Variants in MACROD2 observed in about 807,000 individuals in gnomAD.
MACROD2 encodes ADP-ribose glycohydrolase MACROD2.
MACROD2 carries 36 observed loss-of-function variants against 70.4 expected under a neutral mutation model. That is an observed-to-expected ratio of 0.51 (90% CI 0.39 to 0.68). MACROD2 has a LOEUF of 0.68. MACROD2 is among the 30% of genes least tolerant of loss of function. MACROD2 has a pLI of 0.00. For missense variants in MACROD2, 496 were observed against 538.4 expected (o/e 0.92, Z 0.78); for synonymous variants, 172 against 178.8 (o/e 0.96, Z 0.30).
At chr20:15,673,778 G>C (rs1167725109) in intron 8 of MACROD2, among the ~76,000 whole-genome samples, 1 of 111,430 alleles carries the variant, frequency 9.0e-6, no homozygotes, top group Non-Finnish European at 2.0e-5. Context: ...GCTCAGTAGG[G>C]AGGAAAAAAA....
intron 3 of MACROD2, chr20:14,327,270 C>T (rs1187940544): frequency 1.2e-6 from 2 of 1,613,752 alleles, no homozygotes; most frequent in Non-Finnish European, 1.7e-6. Context: ...GCAAGTTTTT[C>T]AAATCTGAAG....
intron 12 of MACROD2, among the ~76,000 whole-genome samples, chr20:15,941,959 A>G (rs2065756639): frequency 6.6e-6 from 1 of 152,218 alleles, no homozygotes; most frequent in South Asian, 2.1e-4. Context: ...TCTAGGGTGA[A>G]AGTATTGAAA....
intron 2 of MACROD2, among the ~76,000 whole-genome samples, chr20:14,079,202 C>A (rs1040599108): frequency 6.6e-6 from 1 of 152,188 alleles, no homozygotes; most frequent in African/African-American, 2.4e-5. Flanking sequence ...TTCAACAAAA[C>A]TGATTGTCTC....
At chr20:14,632,666 T>C (rs1984577679) in intron 4 of MACROD2, among the ~76,000 whole-genome samples, 1 of 152,188 alleles carries the variant, frequency 6.6e-6, no homozygotes, top group African/African-American at 2.4e-5. Context: ...AGTTAAAAGT[T>C]TTTGGTGTCT....
chr20:15,114,324 G>A (rs1030524055), intron 5 of MACROD2, among the ~76,000 whole-genome samples: 2 of 152,194 alleles, frequency 1.3e-5, no homozygotes, highest in Non-Finnish European at 2.9e-5. Context: ...AAGGTCATGG[G>A]ATAGTCACTC....
At chr20:14,076,997 T>C (rs1046474428) in intron 2 of MACROD2, among the ~76,000 whole-genome samples, 31 of 152,232 alleles carry the variant, frequency 2.0e-4, no homozygotes, top group African/African-American at 7.5e-4. Flanking sequence ...TGTTTAACTT[T>C]TTTAGGTTTT....
chr20:14,126,390 CAAATA>C (rs1289516104), intron 3 of MACROD2, among the ~76,000 whole-genome samples: 3 of 152,272 alleles, frequency 2.0e-5, no homozygotes, highest in East Asian at 3.9e-4. Context: ...AAGCCCTATA[CAAATA>C]AAATAAACAC....
chr20:15,713,112 A>G (rs910928367), intron 8 of MACROD2, among the ~76,000 whole-genome samples: 2 of 152,224 alleles, frequency 1.3e-5, no homozygotes, highest in Non-Finnish European at 2.9e-5. Context: ...AGAGAGAAGA[A>G]GAAAGCCACA....
At chr20:15,272,015 A>T (rs1433170981) in intron 6 of MACROD2, among the ~76,000 whole-genome samples, 8 of 152,234 alleles carry the variant, frequency 5.3e-5, no homozygotes, top group Admixed American at 5.2e-4. Context: ...ATTTTTAGAG[A>T]AAAATGAAAC....
intron 5 of MACROD2, among the ~76,000 whole-genome samples, chr20:14,707,458 A>G (rs1388724536): frequency 1.3e-5 from 2 of 152,136 alleles, no homozygotes; most frequent in East Asian, 1.9e-4. Context: ...AGCAGAGAAC[A>G]TTTATCCTCT....
chr20:14,852,001 A>T (rs1381638623), intron 5 of MACROD2, among the ~76,000 whole-genome samples: 1 of 152,140 alleles, frequency 6.6e-6, no homozygotes, highest in African/African-American at 2.4e-5. Flanking sequence ...GCCAGAGGGG[A>T]CATGTCAGAG....
intron 4 of MACROD2, among the ~76,000 whole-genome samples, chr20:14,682,102 T>C (rs568964684): frequency 1.3e-5 from 2 of 152,280 alleles, no homozygotes; most frequent in South Asian, 4.1e-4. Flanking sequence ...GGGATAACCA[T>C]GAAAATTTTG....
chr20:15,330,246 G>A (rs1600249827), intron 6 of MACROD2, among the ~76,000 whole-genome samples: 2 of 151,738 alleles, frequency 1.3e-5, no homozygotes, highest in African/African-American at 4.8e-5. Flanking sequence ...CGAGCAATGG[G>A]CCAGGAAAAG....
intron 5 of MACROD2, among the ~76,000 whole-genome samples, chr20:15,014,300 C>T (rs148173805): frequency 4.4e-4 from 67 of 152,160 alleles, no homozygotes; most frequent in East Asian, 3.3e-3. Flanking sequence ...ATGTAGAGTA[C>T]GGCGAGAAGT....
Position 15,622,490 on chromosome 20 carries a change from C to T in MACROD2, c.645+122643C>T, listed in dbSNP as rs191376889. Among the ~76,000 whole-genome samples the T allele has an allele frequency of 6.6e-5, 10 of 152,162 alleles. No homozygotes were observed. In the East Asian group the frequency reaches 1.5e-3, roughly 24 times the overall value. On this transcript the variant is annotated intron_variant, in intron 8 of 17. Transcript: ENST00000684519. The stretch of plus-strand genomic sequence containing the variant: ...AAGCACCATGATACCATGGCAGTGG[C>T]TCTGATAACCAAGACAGCTCCTGAA...
chr20:14,780,381 G>A (rs1433496923), intron 5 of MACROD2, among the ~76,000 whole-genome samples: 2 of 151,848 alleles, frequency 1.3e-5, no homozygotes, highest in African/African-American at 4.8e-5. Flanking sequence ...TGACCAACAT[G>A]GAAAAACGCC....
intron 6 of MACROD2, among the ~76,000 whole-genome samples, chr20:15,340,026 A>T (rs942251991): frequency 2.7e-5 from 4 of 148,788 alleles, no homozygotes; most frequent in African/African-American, 4.9e-5. Context: ...GTAAGGTAGG[A>T]TTGAGGGTTA....
intron 3 of MACROD2, among the ~76,000 whole-genome samples, chr20:14,409,300 G>A (rs553054941): frequency 3.3e-5 from 5 of 152,122 alleles, no homozygotes; most frequent in African/African-American, 1.2e-4. Flanking sequence ...TTTGACTTCT[G>A]TGATGGTATC....
chr20:14,874,853 C>T (rs919811548), intron 5 of MACROD2, among the ~76,000 whole-genome samples: 3 of 151,566 alleles, frequency 2.0e-5, no homozygotes, highest in African/African-American at 4.8e-5. Context: ...TACAGGTGTG[C>T]GCCACAACCC....
Sources: allele counts gnomAD v4.1 joint callset (sites outside exome capture counted in the v4.1 genomes callset), GRCh38; gene constraint gnomAD v4.1.1; transcripts MANE v1.5; gene names NCBI Gene and HGNC (gene_info 2026-07-23, HGNC 2026-07-21).